The following CNOT8 variants were observed in gnomAD, a reference collection of about 807,000 sequenced individuals.
The protein encoded by CNOT8 is CAF1-like protein.
Under a neutral mutation model 34.6 loss-of-function variants are expected in CNOT8, and 18 were observed. The ratio of observed to expected loss-of-function variants is 0.52; its 90% CI spans 0.36 to 0.77. The LOEUF (loss-of-function observed/expected upper bound fraction) is 0.77. CNOT8 is among the 30% of genes least tolerant of loss of function. The probability of loss-of-function intolerance (pLI) is 0.00; values close to 1 mark genes in which losing one functional copy is unlikely to be tolerated. For synonymous variants in CNOT8, 101 were observed against 118.8 expected (o/e 0.85, Z 0.98); for missense variants, 189 against 347.9 (o/e 0.54, Z 3.63).
rs1011536720 is a variant in CNOT8, at chr5:154,870,386, A to G, written c.312-275A>G. 1.3e-5 allele frequency: 3 copies of G among 230,474 alleles called. No individual in the cohort carries two copies. The South Asian group carries it at 1.8e-4, about 14-fold the overall frequency. 14.3% of individuals were successfully genotyped at this position (230,474 alleles called of 1,614,324 possible). On this transcript the variant is annotated intron_variant, in intron 3 of 6. Coordinates refer to ENST00000285896, the MANE Select transcript of CNOT8 (RefSeq NM_001301073.2). ...GGCGTGCACCACTGTGCCTGGTGTT[A>G]TTGGTTTTTTTTTTTTTTTAAATAA... is the stretch of plus-strand genomic sequence containing the variant.
chr5:154,861,753 C>A (rs554526534), intron 1 of CNOT8, among the ~76,000 whole-genome samples: 1 of 152,300 alleles, frequency 6.6e-6, no homozygotes, highest in Non-Finnish European at 1.5e-5. Context: ...GGCTGGAGTG[C>A]GGTGGCGCGA....
In CNOT8 at chr5:154,871,719, T is replaced by C; in HGVS notation, c.474-11T>C. ...CTGCTTTTTTAACCTCTGTGGTTTATTCTCTTGTAGTGGCTATGATTTTGG... is the reference window on the plus strand; with the variant it reads ...CTGCTTTTTTAACCTCTGTGGTTTACTCTCTTGTAGTGGCTATGATTTTGG... On this transcript the variant is annotated splice_polypyrimidine_tract_variant and intron_variant, in intron 4 of 6. Transcript: ENST00000285896. The C allele has an allele frequency of 6.2e-7, 1 of 1,613,522 alleles. No individual in the cohort carries two copies. The highest frequency in any genetic ancestry group is 8.5e-7 in the Non-Finnish European group (1 of 1,179,734).
At chr5:154,862,422 A>G (rs1280148198) in intron 1 of CNOT8, among the ~76,000 whole-genome samples, 1 of 152,022 alleles carries the variant, frequency 6.6e-6, no homozygotes, top group African/African-American at 2.4e-5. Flanking sequence ...GTGAGCCAAG[A>G]GTGCACCACT....
intron 1 of CNOT8, among the ~76,000 whole-genome samples, chr5:154,861,227 C>T (rs969505112): frequency 2.6e-5 from 4 of 152,210 alleles, no homozygotes; most frequent in African/African-American, 9.7e-5. Context: ...CTGAACTTCT[C>T]TCTTTTCCTG....
chr5:154,863,890 T>C (rs1012752958), intron 2 of CNOT8, among the ~76,000 whole-genome samples: 5 of 152,166 alleles, frequency 3.3e-5, no homozygotes, highest in Non-Finnish European at 7.3e-5. Context: ...TTTAAAAATT[T>C]ATTGCCAGCA....
chr5:154,859,155 G>T (rs1761085553), intron 1 of CNOT8: 1 of 152,226 alleles, frequency 6.6e-6, no homozygotes, highest in Non-Finnish European at 1.5e-5. Flanking sequence ...CCTAAGGCCC[G>T]TAATTTTAAC....
chr5:154,873,753 A>G (rs1762692260), intron 6 of CNOT8, among the ~76,000 whole-genome samples: 2 of 152,224 alleles, frequency 1.3e-5, no homozygotes, highest in South Asian at 4.1e-4. Context: ...ACTCTTAATT[A>G]TAAACAACTG....
chr5:154,862,467 C>G (rs909150967), intron 1 of CNOT8, among the ~76,000 whole-genome samples: 1 of 150,738 alleles, frequency 6.6e-6, no homozygotes, highest in African/African-American at 2.4e-5. Flanking sequence ...AAGACTCCAT[C>G]TCAAAAAAAA....
In CNOT8 at chr5:154,875,953, G is replaced by A. The variant is rs1762898560; in HGVS notation, c.*514G>A. 6.5e-6 allele frequency: 1 copy of A among 153,280 alleles called. No individual in the cohort carries two copies. The highest frequency in any genetic ancestry group is 1.5e-5 in the Non-Finnish European group (1 of 68,862). 9.5% of individuals were successfully genotyped at this position (153,280 alleles called of 1,614,324 possible). ...CCTTTCCTTTTCTGACCCTTCTCGAGGACATTTGCTTTCCTCACACTTTTG... is the reference window on the plus strand; with the variant it reads ...CCTTTCCTTTTCTGACCCTTCTCGAAGACATTTGCTTTCCTCACACTTTTG... On this transcript the variant is annotated 3_prime_UTR_variant, in exon 7 of 7. Coordinates refer to ENST00000285896, the MANE Select transcript of CNOT8 (RefSeq NM_001301073.2).
At chr5:154,861,899 C>T (rs986784220) in intron 1 of CNOT8, among the ~76,000 whole-genome samples, 5 of 152,138 alleles carry the variant, frequency 3.3e-5, no homozygotes, top group African/African-American at 1.2e-4. Flanking sequence ...GGAGTTTCAC[C>T]GTGTTAGCCA....
chr5:154,869,437 T>C (rs1262040311), intron 3 of CNOT8, among the ~76,000 whole-genome samples: 1 of 150,368 alleles, frequency 6.7e-6, no homozygotes, highest in Non-Finnish European at 1.5e-5. Flanking sequence ...TTTTTTTTTT[T>C]TTTTTTTAAG....
At chr5:154,859,720 T>G (rs1470003630) in intron 1 of CNOT8, 4 of 152,210 alleles carry the variant, frequency 2.6e-5, no homozygotes, top group African/African-American at 9.6e-5. Context: ...AGAGAAAACT[T>G]TCCTGTGGCT....
chr5:154,868,994 C>T (rs372370614), intron 3 of CNOT8, among the ~76,000 whole-genome samples: 3 of 152,320 alleles, frequency 2.0e-5, no homozygotes, highest in African/African-American at 7.2e-5. Context: ...GCTGCTGGAT[C>T]CCCTGAGACT....
chr5:154,869,859 G>A lies in CNOT8; in HGVS notation c.312-802G>A, dbSNP rs1328100741. Among the ~76,000 whole-genome samples, 7 of 152,006 alleles carry A rather than the reference G, an allele frequency of 4.6e-5. No homozygotes were observed. The East Asian group carries it at 7.7e-4, about 17-fold the overall frequency. ...AGGATGGTCTTGATCTCTTGACCTC[G>A]TGATCCGCCCACCTTGGCCTCCCAA... On this transcript the variant is annotated intron_variant, in intron 3 of 6. Coordinates refer to ENST00000285896, the MANE Select transcript of CNOT8 (RefSeq NM_001301073.2).
chr5:154,873,843 A>T (rs1411216696), intron 6 of CNOT8, among the ~76,000 whole-genome samples: 1 of 152,180 alleles, frequency 6.6e-6, no homozygotes, highest in African/African-American at 2.4e-5. Context: ...ATTTGTTAAT[A>T]TCTGTAGATG....
At chr5:154,868,270 T>G (rs1373391085) in intron 3 of CNOT8, among the ~76,000 whole-genome samples, 1 of 41,812 alleles carries the variant, frequency 2.4e-5, no homozygotes, top group South Asian at 4.3e-4. Context: ...TTTCTTTTCT[T>G]TTTTTTTTTT....
chr5:154,861,979 T>G (rs1467351405), intron 1 of CNOT8, among the ~76,000 whole-genome samples: 3 of 152,214 alleles, frequency 2.0e-5, no homozygotes, highest in African/African-American at 7.2e-5. Context: ...ATTATAGGCG[T>G]GAGCCACCAT....
At chr5:154,865,409 G>A (rs544730710) in intron 3 of CNOT8, 24 bp downstream of exon 3, 29 of 1,543,550 alleles carry the variant, frequency 1.9e-5, no homozygotes, top group Middle Eastern at 4.3e-4. Flanking sequence ...AAATAAATGC[G>A]TTAATTTTAA....
chr5:154,871,506 G>T (rs3107678), intron 4 of CNOT8, among the ~76,000 whole-genome samples: 1 of 146,162 alleles, frequency 6.8e-6, no homozygotes, highest in Non-Finnish European at 1.5e-5. Flanking sequence ...GTTGCAGTGA[G>T]CCGAGATCGT....
Sources: allele counts gnomAD v4.1 joint callset (sites outside exome capture counted in the v4.1 genomes callset), GRCh38; gene constraint gnomAD v4.1.1; transcripts MANE v1.5; gene names NCBI Gene and HGNC (gene_info 2026-07-23, HGNC 2026-07-21).